The following TPST1 variants were observed in gnomAD, a reference collection of about 807,000 sequenced individuals.
TPST1 encodes protein-tyrosine sulfotransferase 1.
A neutral mutation model predicts 34.8 loss-of-function variants in TPST1; 20 were observed. The observed-to-expected ratio is 0.57, with a 90% CI of 0.40 to 0.84. TPST1 has a LOEUF of 0.84. TPST1 is among the 40% of genes least tolerant of loss of function. The probability of loss-of-function intolerance (pLI) is 0.00; values close to 1 mark genes in which losing one functional copy is unlikely to be tolerated. For missense variants in TPST1, 353 were observed against 455.5 expected, an observed-to-expected ratio of 0.78 and a Z score of 2.05; for synonymous variants, 152 against 159.4, an observed-to-expected ratio of 0.95 and a Z score of 0.35.
intron 4 of TPST1, 39 bp downstream of exon 4, chr7:66,352,594 T>TTA: frequency 6.3e-7 from 1 of 1,597,814 alleles, no homozygotes. Context: ...TATACTAGAT[T>TTA]GGCTCTTGCA....
At chr7:66,262,349 G>T (rs993809066) in intron 2 of TPST1, among the ~76,000 whole-genome samples, 10 of 152,000 alleles carry the variant, frequency 6.6e-5, no homozygotes, top group African/African-American at 2.4e-4. Context: ...TCTTTCATTG[G>T]GCATACAGAA....
At chr7:66,254,202 T>A (rs1489877328) in intron 2 of TPST1, among the ~76,000 whole-genome samples, 1 of 152,092 alleles carries the variant, frequency 6.6e-6, no homozygotes, top group Non-Finnish European at 1.5e-5. Context: ...GGGGGAGGAT[T>A]GCCATTCTTA....
intron 3 of TPST1, among the ~76,000 whole-genome samples, chr7:66,347,342 A>T (rs1792377645): frequency 6.6e-6 from 1 of 152,160 alleles, no homozygotes; most frequent in African/African-American, 2.4e-5. Context: ...TGCTGGGATT[A>T]TAGGTGTGAG....
In TPST1 at chr7:66,352,503, AGGTC is replaced by A. The variant is rs984915583; in HGVS notation, c.1045-1_1047del. 4.3e-6 allele frequency: 7 copies of A among 1,611,400 alleles called. No individual in the cohort carries two copies. Among genetic ancestry groups the A allele is most frequent in the Admixed American group, 3.4e-5 (2 of 58,872 alleles). ...AAACTCACGCCTGCTTTGTTTTTCC[AGGTC>A]TATAAGGGAGAATTCCAACTACCTG... On this transcript the variant is annotated splice_acceptor_variant and coding_sequence_variant, in exon 4 of 6. Coordinates refer to ENST00000304842, the MANE Select transcript of TPST1 (RefSeq NM_003596.4). LOFTEE classifies it high-confidence loss of function.
chr7:66,259,064 A>G (rs1364465353), intron 2 of TPST1, among the ~76,000 whole-genome samples: 1 of 152,112 alleles, frequency 6.6e-6, no homozygotes, highest in East Asian at 1.9e-4. Context: ...AATAATTGTC[A>G]GGCCTTTGTT....
Position 66,256,502 on chromosome 7 carries a change from G to A in TPST1, c.845+15232G>A, listed in dbSNP as rs143402178. Among the ~76,000 whole-genome samples, 72 of 152,340 alleles carry A rather than the reference G, an allele frequency of 4.7e-4. 1 individual carries two copies. The highest frequency in any genetic ancestry group is 1.6e-3 in the African/African-American group (68 of 41,574). On this transcript the variant is annotated intron_variant, in intron 2 of 5. Transcript: ENST00000304842. Reference sequence around the variant, plus strand: ...TTCATGTGGTATTTGGCAAGATTCAGTTCCTTCTCTGTCTTAGGTGGAGGG... The same window carrying A: ...TTCATGTGGTATTTGGCAAGATTCAATTCCTTCTCTGTCTTAGGTGGAGGG...
intron 2 of TPST1, among the ~76,000 whole-genome samples, chr7:66,243,221 G>A (rs1790073886): frequency 6.6e-6 from 1 of 151,974 alleles, no homozygotes; most frequent in Non-Finnish European, 1.5e-5. Flanking sequence ...TTTCCAAAGT[G>A]TCTCTATCAT....
intron 2 of TPST1, among the ~76,000 whole-genome samples, chr7:66,284,883 C>G (rs1036448199): frequency 5.9e-5 from 9 of 152,118 alleles, no homozygotes; most frequent in African/African-American, 2.2e-4. Flanking sequence ...TTCATTTAAT[C>G]TAATTGAAGC....
chr7:66,294,985 T>C (rs1486869966), intron 3 of TPST1, among the ~76,000 whole-genome samples: 1 of 152,192 alleles, frequency 6.6e-6, no homozygotes, highest in Non-Finnish European at 1.5e-5. Flanking sequence ...AATGAATAAA[T>C]CAACAAACAA....
intron 3 of TPST1, among the ~76,000 whole-genome samples, chr7:66,296,254 C>CG (rs1453492840): frequency 3.0e-4 from 11 of 36,348 alleles, no homozygotes; most frequent in African/African-American, 1.3e-3. Flanking sequence ...CCTTCCCCCC[C>CG]CCCTCCCCCA....
intron 1 of TPST1, among the ~76,000 whole-genome samples, chr7:66,210,083 G>A (rs561600085): frequency 1.3e-5 from 2 of 152,312 alleles, no homozygotes; most frequent in Admixed American, 1.3e-4. Context: ...AGGAATGTAG[G>A]TGAAAGATAA....
At chr7:66,199,433 T>C in the TPST1 span, among the ~76,000 whole-genome samples, 1 of 151,526 alleles carries the variant, frequency 6.6e-6, no homozygotes, top group Non-Finnish European at 1.5e-5. Context: ...TAGCTGGGAT[T>C]ACAGGTGCCC....
intron 3 of TPST1, among the ~76,000 whole-genome samples, chr7:66,311,124 A>G (rs1397691905): frequency 6.7e-6 from 1 of 149,512 alleles, no homozygotes; most frequent in African/African-American, 2.5e-5. Context: ...CTATTGAAGT[A>G]TTTTGTCTTT....
chr7:66,231,902 C>T (rs1789805329), intron 1 of TPST1, among the ~76,000 whole-genome samples: 1 of 152,210 alleles, frequency 6.6e-6, no homozygotes, highest in Non-Finnish European at 1.5e-5. Context: ...TGTCATCTCT[C>T]ACTATCACTT....
intron 3 of TPST1, among the ~76,000 whole-genome samples, chr7:66,340,947 G>C (rs1307314989): frequency 1.3e-5 from 2 of 152,032 alleles, no homozygotes; most frequent in Non-Finnish European, 2.9e-5. Flanking sequence ...GGAGGCAGAG[G>C]GTGCACCAAG....
chr7:66,305,005 CAA>C lies in TPST1; in HGVS notation c.1044+18297_1044+18298del, dbSNP rs1389572914. Among the ~76,000 whole-genome samples, 3 of 151,888 alleles carry C rather than the reference CAA, an allele frequency of 2.0e-5. No individual in the cohort carries two copies. The East Asian group carries it at 5.8e-4, about 29-fold the overall frequency. ...TTTTATTTTTAACTTTTTGTAGAGACAAGAGGTATCACTGTGTTGCCCAGGCT... is the reference window on the plus strand; with the variant it reads ...TTTTATTTTTAACTTTTTGTAGAGACGAGGTATCACTGTGTTGCCCAGGCT... On this transcript the variant is annotated intron_variant, in intron 3 of 5. Transcript: ENST00000304842.
intron 2 of TPST1, among the ~76,000 whole-genome samples, chr7:66,265,845 A>T (rs1414744796): frequency 1.3e-5 from 2 of 152,184 alleles, no homozygotes; most frequent in Non-Finnish European, 2.9e-5. Flanking sequence ...GGGTTGATGT[A>T]CTCACATCCC....
At chr7:66,209,089 A>G (rs1200928326) in intron 1 of TPST1, among the ~76,000 whole-genome samples, 1 of 152,088 alleles carries the variant, frequency 6.6e-6, no homozygotes, top group African/African-American at 2.4e-5. Flanking sequence ...GCCCGGCCAC[A>G]TGGTGAAACC....
intron 3 of TPST1, among the ~76,000 whole-genome samples, chr7:66,300,486 T>G (rs183778878): frequency 6.6e-6 from 1 of 152,352 alleles, no homozygotes; most frequent in East Asian, 1.9e-4. Context: ...TCCAAATTCC[T>G]GTTAACATTG....
Sources: gnomAD v4.1 joint callset for allele counts (sites outside exome capture counted in the v4.1 genomes callset) on GRCh38, gnomAD v4.1.1 for gene constraint, MANE v1.5 for transcripts, NCBI Gene and HGNC (gene_info 2026-07-23, HGNC 2026-07-21) for gene names.